HERC1: variants seen among roughly 807,000 people sequenced by gnomAD.
HERC1 encodes the protein probable E3 ubiquitin-protein ligase HERC1.
In HERC1, 160 loss-of-function variants were observed where a neutral mutation model predicts 554.3. That is an observed-to-expected ratio of 0.29 (90% confidence interval 0.25 to 0.33). The LOEUF (loss-of-function observed/expected upper bound fraction) is 0.33. Among genes scored for constraint, HERC1 ranks in the 10% least tolerant of loss-of-function variants. The probability of loss-of-function intolerance (pLI) is 1.00; values close to 1 mark genes in which losing one functional copy is unlikely to be tolerated. For missense variants in HERC1, 4,919 were observed against 5,918.5 expected (o/e 0.83, Z 5.54); for synonymous variants, 2,175 against 2,131.7 (o/e 1.02, Z -0.56).
chr15:63,641,951 C>G (rs1414366832), intron 59 of HERC1, among the ~76,000 whole-genome samples: 5 of 152,110 alleles, frequency 3.3e-5, no homozygotes, highest in African/African-American at 9.6e-5. Context: ...TACTATATTT[C>G]AAAAGTCATG....
At chr15:63,747,685 C>G in intron 11 of HERC1, 39 bp downstream of exon 11, 1 of 1,298,636 alleles carries the variant, frequency 7.7e-7, no homozygotes, top group South Asian at 1.3e-5. Context: ...CGCGCGCGCA[C>G]ACACACACAC....
chr15:63,732,784 A>C (rs917865490), intron 14 of HERC1, 140 bp downstream of exon 14: 3 of 608,116 alleles, frequency 4.9e-6, no homozygotes, highest in Non-Finnish European at 8.8e-6. Context: ...ATATTTCAGA[A>C]ACCCTGACAT....
Position 63,756,317 on chromosome 15 carries a change from A to G in HERC1, c.1533+120T>C. Reference sequence around the variant, plus strand: ...GTAAACTGTAAAGCAGAGATACAAAAGATTAAGCCAAAGGGTTGAAGGGGC... The same window carrying G: ...GTAAACTGTAAAGCAGAGATACAAAGGATTAAGCCAAAGGGTTGAAGGGGC... On this transcript the variant is annotated intron_variant, in intron 5 of 77. Coordinates refer to ENST00000443617, the MANE Select transcript of HERC1 (RefSeq NM_003922.4). The surrounding 1 kb of genome is among the most constrained non-coding windows in gnomAD (Gnocchi z 5.0). The G allele has an allele frequency of 1.3e-6, 1 of 752,610 alleles. No homozygotes were observed. The highest frequency in any genetic ancestry group is 2.2e-6 in the Non-Finnish European group (1 of 445,248). 46.6% of individuals were successfully genotyped at this position (752,610 alleles called of 1,614,324 possible). A position where few individuals can be genotyped will look rare whatever the true frequency, so the allele number is the denominator to read the frequency against.
At chr15:63,619,347 C>A (rs1393020228) in intron 74 of HERC1, among the ~76,000 whole-genome samples, 1 of 152,136 alleles carries the variant, frequency 6.6e-6, no homozygotes, top group East Asian at 1.9e-4. Context: ...GGATGAAGCC[C>A]ACTTGATCAT....
chr15:63,660,944 A>G, intron 46 of HERC1, 29 bp downstream of exon 46: 3 of 1,409,942 alleles, frequency 2.1e-6, no homozygotes, highest in Non-Finnish European at 3.0e-6. Flanking sequence ...AAAAACATGT[A>G]AAATAAAGAA....
chr15:63,672,416 C>A, intron 39 of HERC1, 80 bp downstream of exon 39: 1 of 911,960 alleles, frequency 1.1e-6, no homozygotes, highest in South Asian at 2.1e-5. Flanking sequence ...TTCAGTTGGG[C>A]ATACTATTCA....
intron 74 of HERC1, among the ~76,000 whole-genome samples, chr15:63,621,455 T>A (rs1372259151): frequency 2.0e-5 from 3 of 152,220 alleles, no homozygotes; most frequent in Non-Finnish European, 2.9e-5. Flanking sequence ...CTTTGGTGAA[T>A]CTGACAATTA....
At position 63,616,439 on chromosome 15, in the gene HERC1, A is replaced by G. The variant is rs751437181; in HGVS notation, c.13932T>C (p.Ser4644=). ...HIEDSGITEE[S]FHEMIPLDSF... is the part of the protein sequence containing the mutation. Reference sequence around the variant, plus strand: ...ACTGGCCAGGATTTACCTCATGGAAACTCTCCTCGGTAATCCCACTGTCTT... The same window carrying G: ...ACTGGCCAGGATTTACCTCATGGAAGCTCTCCTCGGTAATCCCACTGTCTT... Residue 4644 remains serine, a synonymous_variant, in exon 75 of 78, where the codon AGT becomes AGC. Transcript: ENST00000443617. The G allele has an allele frequency of 1.2e-6, 2 of 1,612,868 alleles. No homozygotes were observed. Among genetic ancestry groups the G allele is most frequent in the Non-Finnish European group, 8.5e-7 (1 of 1,179,198 alleles).
rs1433215051 is a variant in HERC1, at chr15:63,718,658, A to G, written c.3894T>C (p.Arg1298=). Residue 1298 remains arginine, a synonymous_variant, in exon 21 of 78, where the codon CGT becomes CGC. Coordinates refer to ENST00000443617, the MANE Select transcript of HERC1 (RefSeq NM_003922.4). This position sits in a 1 kb window ranked among gnomAD's most constrained non-coding sequence, Gnocchi z 4.2. The stretch of plus-strand genomic sequence containing the variant: ...AACGACTTCGAACTTTGTATACACA[A>G]CGGTACACTTCTGATAAGTGTTTAC... The part of the protein sequence containing the change: ...QPGKHLSEVY[R]CVYKVRSRLL... The G allele has an allele frequency of 1.9e-6, 3 of 1,600,894 alleles. No homozygotes were observed. The highest frequency in any genetic ancestry group is 2.6e-6 in the Non-Finnish European group (3 of 1,172,358).
chr15:63,610,812 G>A (rs2067551818), intron 77 of HERC1, among the ~76,000 whole-genome samples: 2 of 152,330 alleles, frequency 1.3e-5, no homozygotes, highest in Non-Finnish European at 2.9e-5. Context: ...CAAACATCAT[G>A]GGCCCTGCTC....
At position 63,813,869 on chromosome 15, in the gene HERC1, AC is replaced by A. The variant is rs574418163; in HGVS notation, c.-27+19957del. Among the ~76,000 whole-genome samples the A allele has an allele frequency of 1.1e-3, 160 of 152,212 alleles. 1 individual carries two copies. The highest frequency in any genetic ancestry group is 3.8e-3 in the African/African-American group (158 of 41,536). On this transcript the variant is annotated intron_variant, in intron 1 of 77. Transcript: ENST00000443617. ...GATCACCTGAGGTCAGGAGTTTGAG[AC>A]CAGCCTGGTGAAACCCCGTCTCTAC...
In HERC1 at chr15:63,698,406, G is replaced by A. The variant is rs550960251; in HGVS notation, c.4905+322C>T. 6.0e-4 allele frequency among the ~76,000 whole-genome samples: 73 copies of A among 121,330 alleles called. 1 individual carries two copies. In the South Asian group the frequency reaches 0.014, roughly 24 times the overall value. 79.6% of individuals were successfully genotyped at this position (121,330 alleles called of 152,430 possible). Reference sequence around the variant, plus strand: ...GCACTACAGCCTGGGCAACGAGAGCGAAACTCCGTCTCCAAAAAAAAAAAA... The same window carrying A: ...GCACTACAGCCTGGGCAACGAGAGCAAAACTCCGTCTCCAAAAAAAAAAAA... On this transcript the variant is annotated intron_variant, in intron 26 of 77. Coordinates refer to ENST00000443617, the MANE Select transcript of HERC1 (RefSeq NM_003922.4).
In HERC1 at chr15:63,754,448, A is replaced by AC. The variant is rs534755982; in HGVS notation, c.1774+56_1774+57insG. On this transcript the variant is annotated intron_variant, in intron 7 of 77. Transcript: ENST00000443617. Reference sequence around the variant, plus strand: ...CTAGGCATATATAACTGAAAAATAAATTTTTAAAAAACTCAAGAAAAAAGC... The same window carrying AC: ...CTAGGCATATATAACTGAAAAATAAACTTTTTAAAAAACTCAAGAAAAAAGC... The AC allele has an allele frequency of 7.0e-5, 101 of 1,452,182 alleles. 1 individual carries two copies. In the East Asian group the frequency reaches 2.2e-3, roughly 32 times the overall value. The allele number at this position is 1,452,182 out of a possible 1,614,324, so 90.0% of individuals were successfully genotyped here. A position where few individuals can be genotyped will look rare whatever the true frequency, so the allele number is the denominator to read the frequency against.
In HERC1 at chr15:63,652,431, G is replaced by A; in HGVS notation, c.10401C>T (p.Thr3467=). The change falls in exon 52 of 78, where the codon ACC becomes ACT. Residue 3467 remains threonine (T), a synonymous_variant. Transcript: ENST00000443617. ...VTKKQYSLQQ[T]CVFNRLEGDA... is the part of the protein sequence containing the mutation. ...GCACTCACAATCTGTTGAACACACAGGTCTGTTGCAGTGAATATTGCTTCT... is the reference window on the plus strand; with the variant it reads ...GCACTCACAATCTGTTGAACACACAAGTCTGTTGCAGTGAATATTGCTTCT... 1 of 1,612,862 alleles carries A rather than the reference G, an allele frequency of 6.2e-7. No homozygotes were observed. The highest frequency in any genetic ancestry group is 8.5e-7 in the Non-Finnish European group (1 of 1,179,208).
intron 30 of HERC1, among the ~76,000 whole-genome samples, chr15:63,693,280 G>A (rs1485776650): frequency 6.8e-6 from 1 of 147,864 alleles, no homozygotes; most frequent in African/African-American, 2.5e-5. Flanking sequence ...CTCTCGCTCT[G>A]TCATCCAGGC....
At chr15:63,728,717 T>C (rs1287505048) in intron 16 of HERC1, among the ~76,000 whole-genome samples, 5 of 151,976 alleles carry the variant, frequency 3.3e-5, no homozygotes, top group Admixed American at 6.6e-5. Flanking sequence ...GATAAGACCA[T>C]TGGGGGAGCA....
At chr15:63,675,903 C>CT (rs201499820) in intron 37 of HERC1, among the ~76,000 whole-genome samples, 1,704 of 133,278 alleles carry the variant, frequency 0.013, 35 homozygotes, top group African/African-American at 0.039. Context: ...CTGTATACAT[C>CT]TTTTTTTTTT....
Position 63,678,383 on chromosome 15 carries a change from G to C in HERC1, c.6550-18C>G, listed in dbSNP as rs766439373. 7 of 1,559,280 alleles carry C rather than the reference G, an allele frequency of 4.5e-6. No homozygotes were observed. Among genetic ancestry groups the C allele is most frequent in the Non-Finnish European group, 4.3e-6 (5 of 1,155,402 alleles). On this transcript the variant is annotated intron_variant, in intron 36 of 77. Transcript: ENST00000443617. ...ATTTTCACCTATATAAAAGTAAAGA[G>C]GGTGGAAAACACATGCTATTAGTAG...
chr15:63,658,284 G>A (rs1308715201), intron 48 of HERC1, among the ~76,000 whole-genome samples: 1 of 152,124 alleles, frequency 6.6e-6, no homozygotes, highest in Admixed American at 6.5e-5. Context: ...AACAGCCTTA[G>A]TTTCCCATTT....
Sources: allele counts gnomAD v4.1 joint callset (sites outside exome capture counted in the v4.1 genomes callset), GRCh38; gene constraint gnomAD v4.1.1; non-coding constraint Gnocchi (gnomAD v3.1); transcripts MANE v1.5; gene names NCBI Gene and HGNC (gene_info 2026-07-23, HGNC 2026-07-21).